The following OXR1 variants were observed in gnomAD, a reference collection of about 807,000 sequenced individuals.
The protein encoded by OXR1 is oxidation resistance protein 1.
In OXR1, 41 loss-of-function variants were observed where a neutral mutation model predicts 104.6. The ratio of observed to expected loss-of-function variants is 0.39; its 90% CI spans 0.31 to 0.51. The LOEUF (loss-of-function observed/expected upper bound fraction) is 0.51. Ranked by LOEUF, OXR1 falls within the 20% of genes least tolerant of loss-of-function variation. The pLI, the probability that OXR1 is intolerant of heterozygous loss-of-function variation, is 0.77. For synonymous variants in OXR1, 348 were observed against 348.4 expected (o/e 1.00, Z 0.01); for missense variants, 955 against 1,031.9 (o/e 0.93, Z 1.02).
intron 2 of OXR1, among the ~76,000 whole-genome samples, chr8:106,380,601 T>A (rs1434049478): frequency 1.3e-5 from 2 of 152,194 alleles, no homozygotes; most frequent in African/African-American, 4.8e-5. Context: ...TGTTTGGGTG[T>A]TTCTGTTTCT....
At chr8:106,565,832 C>A (rs1267095138) in intron 3 of OXR1, among the ~76,000 whole-genome samples, 1 of 151,886 alleles carries the variant, frequency 6.6e-6, no homozygotes, top group East Asian at 1.9e-4. Flanking sequence ...CAACTACAAC[C>A]ATCTGATCTT....
At chr8:106,745,913 G>C (rs1159670110) in intron 16 of OXR1, 51 bp downstream of exon 16, 4 of 934,758 alleles carry the variant, frequency 4.3e-6, no homozygotes, top group Admixed American at 4.0e-5. Context: ...CTTTAAAAAT[G>C]CATTTGGATT....
At chr8:106,639,298 C>T (rs1374665427) in intron 3 of OXR1, among the ~76,000 whole-genome samples, 1 of 152,166 alleles carries the variant, frequency 6.6e-6, no homozygotes, top group African/African-American at 2.4e-5. Flanking sequence ...CTTATGGGGC[C>T]TACTGCAGGT....
intron 9 of OXR1, among the ~76,000 whole-genome samples, chr8:106,709,691 A>G (rs916537281): frequency 5.9e-5 from 9 of 152,086 alleles, no homozygotes; most frequent in Non-Finnish European, 1.2e-4. Flanking sequence ...CTAAACTGTT[A>G]CCATTTGGTT....
Position 106,339,519 on chromosome 8 carries a change from AATATATATATATATATAT to A in OXR1, c.-138-19937_-138-19920del, listed in dbSNP as rs756741127. 8.9e-3 allele frequency among the ~76,000 whole-genome samples: 296 copies of A among 33,320 alleles called. 7 individuals are homozygous for A. The highest frequency in any genetic ancestry group is 0.021 in the African/African-American group (203 of 9,724). 21.9% of individuals were successfully genotyped at this position (33,320 alleles called of 152,430 possible). ...AAAAAAAAAAAAAAAAAAAAAAAAA[AATATATATATATATATAT>A]ATATATATATATATATATAAAACGA... On this transcript the variant is annotated intron_variant, in intron 1 of 16. Transcript: ENST00000517566.
At chr8:106,491,795 A>T (rs181485777) in intron 2 of OXR1, among the ~76,000 whole-genome samples, 36 of 152,302 alleles carry the variant, frequency 2.4e-4, no homozygotes, top group African/African-American at 8.7e-4. Flanking sequence ...TGAAGCTAGG[A>T]ATGAGAAATT....
At chr8:106,272,183 C>T (rs1811847192) in intron 1 of OXR1, 1 of 152,194 alleles carries the variant, frequency 6.6e-6, no homozygotes. Flanking sequence ...AAAGATTTCA[C>T]CCACCAAAAC....
At chr8:106,545,189 A>G (rs1413930306) in intron 3 of OXR1, among the ~76,000 whole-genome samples, 1 of 152,080 alleles carries the variant, frequency 6.6e-6, no homozygotes, top group Non-Finnish European at 1.5e-5. Flanking sequence ...GTTGAAAGCT[A>G]CTCTTCTAGA....
intron 1 of OXR1, among the ~76,000 whole-genome samples, chr8:106,329,230 G>A (rs1814609435): frequency 6.6e-6 from 1 of 151,486 alleles, no homozygotes; most frequent in Non-Finnish European, 1.5e-5. Flanking sequence ...GACCTCAGGT[G>A]ATCCGCCCAC....
At chr8:106,669,354 A>T (rs528223355) in intron 3 of OXR1, among the ~76,000 whole-genome samples, 1 of 152,312 alleles carries the variant, frequency 6.6e-6, no homozygotes, top group South Asian at 2.1e-4. Context: ...TCTACTTTCA[A>T]AAATTCAACT....
intron 2 of OXR1, among the ~76,000 whole-genome samples, chr8:106,463,137 G>A (rs1820998090): frequency 6.6e-6 from 1 of 151,974 alleles, no homozygotes; most frequent in South Asian, 2.1e-4. Context: ...AAACAGAACA[G>A]CAAGCCAAGG....
chr8:106,635,555 G>C (rs927562735), intron 3 of OXR1, among the ~76,000 whole-genome samples: 1 of 151,868 alleles, frequency 6.6e-6, no homozygotes, highest in Non-Finnish European at 1.5e-5. Context: ...AACGATTCTT[G>C]TGCCTCAGAC....
intron 3 of OXR1, chr8:106,581,235 A>G: frequency 7.8e-7 from 1 of 1,288,490 alleles, no homozygotes; most frequent in South Asian, 1.2e-5. Flanking sequence ...TATGCCCAAT[A>G]TCCATGAAGC....
At chr8:106,573,526 A>G (rs934471900) in intron 3 of OXR1, among the ~76,000 whole-genome samples, 2 of 152,318 alleles carry the variant, frequency 1.3e-5, no homozygotes, top group East Asian at 3.9e-4. Context: ...GACTTTTTGT[A>G]TACATATTTG....
At chr8:106,348,025 G>T (rs531094661) in intron 1 of OXR1, among the ~76,000 whole-genome samples, 2 of 152,174 alleles carry the variant, frequency 1.3e-5, no homozygotes, top group Non-Finnish European at 2.9e-5. Flanking sequence ...AATTAAAGTG[G>T]GTATTGATTT....
chr8:106,398,707 G>T (rs571480212), intron 2 of OXR1, among the ~76,000 whole-genome samples: 1 of 152,196 alleles, frequency 6.6e-6, no homozygotes, highest in Admixed American at 6.5e-5. Context: ...CCCTTCTTGG[G>T]AATGTGTTCA....
intron 2 of OXR1, among the ~76,000 whole-genome samples, chr8:106,417,949 T>C (rs555133546): frequency 6.6e-6 from 1 of 151,764 alleles, no homozygotes; most frequent in Non-Finnish European, 1.5e-5. Flanking sequence ...TAGGCCTGAG[T>C]GGCCAAGGAC....
chr8:106,707,414 T>TTC, intron 9 of OXR1: 1 of 572,016 alleles, frequency 1.7e-6, no homozygotes. Context: ...ATTAAACAAT[T>TTC]TATTTCTTGA....
rs547901748 is a variant in OXR1 at position 106,270,528 on chromosome 8, G to T, written c.-139+161G>T. Among the ~76,000 whole-genome samples, 10 of 152,334 alleles carry T rather than the reference G, an allele frequency of 6.6e-5. No individual in the cohort carries two copies. The South Asian group carries it at 2.1e-3, about 32-fold the overall frequency. On this transcript the variant is annotated intron_variant, in intron 1 of 16. Transcript: ENST00000517566. The stretch of plus-strand genomic sequence containing the variant: ...CCACTTAGCCAATTTGAAAGCGGGT[G>T]GCCATTGGGATGCTCGAGCGGGGAC...
Sources: allele counts gnomAD v4.1 joint callset (sites outside exome capture counted in the v4.1 genomes callset), GRCh38; gene constraint gnomAD v4.1.1; transcripts MANE v1.5; gene names NCBI Gene and HGNC (gene_info 2026-07-23, HGNC 2026-07-21).